Variants in ZC3H6 observed in about 807,000 individuals in gnomAD.
ZC3H6 encodes the protein zinc finger CCCH-type containing 6.
In ZC3H6, 40 loss-of-function variants were observed where a neutral mutation model predicts 107.7. The ratio of observed to expected loss-of-function variants is 0.37; its 90% CI spans 0.29 to 0.48. The LOEUF (loss-of-function observed/expected upper bound fraction) is 0.48, where lower values mean the gene tolerates loss of function less well. Among genes scored for constraint, ZC3H6 ranks in the 20% least tolerant of loss-of-function variants. The probability of loss-of-function intolerance (pLI) is 0.98; values close to 1 mark genes in which losing one functional copy is unlikely to be tolerated. For synonymous variants in ZC3H6, 493 were observed against 487.9 expected (o/e 1.01, Z -0.14); for missense variants, 1,267 against 1,410.4 (o/e 0.90, Z 1.63).
chr2:112,290,508 G>A (rs375319084), intron 1 of ZC3H6, among the ~76,000 whole-genome samples: 1,003 of 152,210 alleles, frequency 6.6e-3, no homozygotes, highest in African/African-American at 0.023. Flanking sequence ...ATGTTTATTT[G>A]TGTGATTCTT....
rs78836395 is a variant in ZC3H6 at position 112,316,402 on chromosome 2, T to C, written c.748-68T>C. 3,929 of 952,800 alleles carry C rather than the reference T, an allele frequency of 4.1e-3. 109 individuals are homozygous for C. The African/African-American group carries it at 0.057, about 14-fold the overall frequency. The allele number at this position is 952,800 out of a possible 1,614,324, so 59.0% of individuals were successfully genotyped here. A position where few individuals can be genotyped will look rare whatever the true frequency, so the allele number is the denominator to read the frequency against. ...AATTTGTACTTTTTTCCAGATCAAC[T>C]TAATCATACATTTTGATACCTATTA... On this transcript the variant is annotated intron_variant, in intron 5 of 11. Transcript: ENST00000409871.
At position 112,322,684 on chromosome 2, in the gene ZC3H6, T is replaced by C; in HGVS notation, c.1122T>C (p.Asp374=). 1 of 1,610,138 alleles carries C rather than the reference T, an allele frequency of 6.2e-7. No individual in the cohort carries two copies. Among genetic ancestry groups the C allele is most frequent in the South Asian group, 1.1e-5 (1 of 89,846 alleles). The change falls in exon 9 of 12, where the codon GAT becomes GAC. Residue 374 remains aspartate (D), a synonymous_variant. Transcript: ENST00000409871. Reference sequence around the variant, plus strand: ...CTGATGAAGAACTCATAAATGAAGATGAAAGAGAATTAGAGGAACTTAGAA... The same window carrying C: ...CTGATGAAGAACTCATAAATGAAGACGAAAGAGAATTAGAGGAACTTAGAA... ...LNTDEELINE[D]ERELEELRKR...
chr2:112,289,758 T>G (rs1453574404), intron 1 of ZC3H6, among the ~76,000 whole-genome samples: 1 of 152,118 alleles, frequency 6.6e-6, no homozygotes, highest in Non-Finnish European at 1.5e-5. Context: ...TTTTGTTTTG[T>G]TTTTGAGACA....
chr2:112,316,657 G>A lies in ZC3H6; in HGVS notation c.864+71G>A, dbSNP rs1334809382. The A allele has an allele frequency of 1.4e-5, 14 of 1,000,308 alleles. 1 individual carries two copies. The South Asian group carries it at 2.1e-4, about 15-fold the overall frequency. 62.0% of individuals were successfully genotyped at this position (1,000,308 alleles called of 1,614,324 possible). On this transcript the variant is annotated intron_variant, in intron 6 of 11. Transcript: ENST00000409871. The stretch of plus-strand genomic sequence containing the variant: ...TCTTTAAAATTAAAGTCTTTTGGGG[G>A]ATGGTTAATTTTTTTCTCTTCTCAT...
At position 112,299,907 on chromosome 2, in the gene ZC3H6, GA is replaced by G; in HGVS notation, c.96del (p.Glu33LysfsTer89). 1.3e-6 allele frequency: 2 copies of G among 1,492,186 alleles called. No individual in the cohort carries two copies. The highest frequency in any genetic ancestry group is 2.6e-5 in the East Asian group (1 of 38,622). The allele number at this position is 1,492,186 out of a possible 1,614,324, so 92.4% of individuals were successfully genotyped here. A position where few individuals can be genotyped will look rare whatever the true frequency, so the allele number is the denominator to read the frequency against. On this transcript the variant is annotated frameshift_variant, in exon 2 of 12. Transcript: ENST00000409871. LOFTEE classifies it high-confidence loss of function. ...IDDAGFEEIQEKEAKENEKQK... is the reference protein window; with the variant it reads ...IDDAGFEEIQXKEAKENEKQK... ...CGATGCAGGATTTGAAGAAATACAA[GA>G]AAAAGAAGCAAAAGAGAATGAAAAG...
rs746214190 is a variant in ZC3H6 at position 112,331,393 on chromosome 2, T to TGGA, written c.2476_2477insGAG (p.Asp825_Glu826insGly). 95 of 1,613,416 alleles carry TGGA rather than the reference T, an allele frequency of 5.9e-5. No homozygotes were observed. Among genetic ancestry groups the TGGA allele is most frequent in the Non-Finnish European group, 7.7e-5 (91 of 1,179,838 alleles). On this transcript the variant is annotated inframe_insertion, in exon 12 of 12. Transcript: ENST00000409871. ...AACACAAAAGAGGCGATGATGATGATGAAGATACAGAAAGAGAACTGAGAG... is the reference window on the plus strand; with the variant it reads ...AACACAAAAGAGGCGATGATGATGATGGAGAAGATACAGAAAGAGAACTGAGAG...
chr2:112,307,135 A>G (rs747939354), intron 3 of ZC3H6, among the ~76,000 whole-genome samples: 7 of 152,210 alleles, frequency 4.6e-5, no homozygotes, highest in Non-Finnish European at 1.0e-4. Flanking sequence ...TTCCATATAT[A>G]TATTTTAGAG....
intron 4 of ZC3H6, among the ~76,000 whole-genome samples, chr2:112,311,018 A>T (rs936592156): frequency 6.6e-6 from 1 of 152,216 alleles, no homozygotes; most frequent in East Asian, 1.9e-4. Flanking sequence ...TGTAGTCTAG[A>T]TGTTGTGGTA....
chr2:112,303,423 T>A, intron 3 of ZC3H6, 72 bp downstream of exon 3: 1 of 1,120,500 alleles, frequency 8.9e-7, no homozygotes, highest in African/African-American at 1.6e-5. Flanking sequence ...CTTTTAACTG[T>A]ACAATTCAGT....
At position 112,331,915 on chromosome 2, in the gene ZC3H6, C is replaced by T. The variant is rs544864643; in HGVS notation, c.2997C>T (p.Pro999=). 1.9e-6 allele frequency: 3 copies of T among 1,613,918 alleles called. No individual in the cohort carries two copies. Among genetic ancestry groups the T allele is most frequent in the South Asian group, 1.1e-5 (1 of 91,074 alleles). Residue 999 remains proline, a synonymous_variant, in exon 12 of 12, where the codon CCC becomes CCT. Transcript: ENST00000409871. ...SHASKGAPHL[P]RSNPGSSQPS... ...CATCAAAGGGTGCCCCTCACTTACCCAGATCAAACCCTGGTTCATCACAGC... is the reference window on the plus strand; with the variant it reads ...CATCAAAGGGTGCCCCTCACTTACCTAGATCAAACCCTGGTTCATCACAGC...
At position 112,331,416 on chromosome 2, in the gene ZC3H6, G is replaced by C; in HGVS notation, c.2498G>C (p.Arg833Thr). ...DDDEDTERELREKAFLIPLDA... is the reference protein window; with the variant it reads ...DDDEDTERELTEKAFLIPLDA... Reference sequence around the variant, plus strand: ...GATGAAGATACAGAAAGAGAACTGAGAGAAAAAGCTTTCTTAATACCTTTG... The same window carrying C: ...GATGAAGATACAGAAAGAGAACTGACAGAAAAAGCTTTCTTAATACCTTTG... The change falls in exon 12 of 12, where the codon AGA becomes ACA. Residue 833 changes from arginine (R) to threonine (T), a missense_variant. By Grantham distance (71) the Arg-to-Thr change is moderately conservative. This residue lies in a region of ZC3H6 where 925 missense variants were observed against 1,025.7 expected (regional missense o/e 0.90). Transcript: ENST00000409871. The C allele has an allele frequency of 6.2e-7, 1 of 1,613,436 alleles. No homozygotes were observed. Among genetic ancestry groups the C allele is most frequent in the African/African-American group, 1.3e-5 (1 of 74,974 alleles).
chr2:112,298,077 G>A (rs1676275831), intron 1 of ZC3H6, among the ~76,000 whole-genome samples: 1 of 152,172 alleles, frequency 6.6e-6, no homozygotes, highest in South Asian at 2.1e-4. Flanking sequence ...TCGTGCCACT[G>A]CACTGCAGTC....
intron 1 of ZC3H6, among the ~76,000 whole-genome samples, chr2:112,299,114 A>G (rs1261712215): frequency 2.0e-5 from 3 of 151,982 alleles, no homozygotes; most frequent in Non-Finnish European, 4.4e-5. Context: ...CGTCTCTACT[A>G]AAAATACAAA....
chr2:112,278,816 C>G (rs1346431136), intron 1 of ZC3H6, among the ~76,000 whole-genome samples: 3 of 152,088 alleles, frequency 2.0e-5, no homozygotes, highest in African/African-American at 7.2e-5. Flanking sequence ...GAAATAGAGT[C>G]TCGCTATATG....
intron 5 of ZC3H6, among the ~76,000 whole-genome samples, chr2:112,314,813 C>T (rs534362788): frequency 6.6e-6 from 1 of 152,094 alleles, no homozygotes; most frequent in African/African-American, 2.4e-5. Flanking sequence ...TTAAATGATT[C>T]TGTCATAGTA....
chr2:112,287,470 C>G (rs1252198782), intron 1 of ZC3H6, among the ~76,000 whole-genome samples: 1 of 152,112 alleles, frequency 6.6e-6, no homozygotes, highest in Non-Finnish European at 1.5e-5. Context: ...GTCAAACATA[C>G]AAGCTTATGG....
intron 1 of ZC3H6, among the ~76,000 whole-genome samples, chr2:112,281,584 A>G (rs551484391): frequency 1.8e-4 from 27 of 152,338 alleles, no homozygotes; most frequent in Non-Finnish European, 3.4e-4. Flanking sequence ...GGATGTGGAC[A>G]ATGAGAGAAT....
In ZC3H6 at chr2:112,289,738, G is replaced by GTTTGTTTTGT. The variant is rs71226779; in HGVS notation, c.33-10097_33-10088dup. Among the ~76,000 whole-genome samples, 229 of 150,670 alleles carry GTTTGTTTTGT rather than the reference G, an allele frequency of 1.5e-3. 1 individual carries two copies. The highest frequency in any genetic ancestry group is 1.7e-3 in the Admixed American group (26 of 15,134). Reference sequence around the variant, plus strand: ...GATTTAAATATTTTTACCGTTTTTTGTTTGTTTTGTTTTGTTTTGTTTTTG... The same window carrying GTTTGTTTTGT: ...GATTTAAATATTTTTACCGTTTTTTGTTTGTTTTGTTTTGTTTTGTTTTGTTTTGTTTTTG... On this transcript the variant is annotated intron_variant, in intron 1 of 11. Coordinates refer to ENST00000409871, the MANE Select transcript of ZC3H6 (RefSeq NM_198581.3).
intron 2 of ZC3H6, among the ~76,000 whole-genome samples, chr2:112,300,285 G>T (rs1263862141): frequency 6.6e-6 from 1 of 151,710 alleles, no homozygotes; most frequent in Non-Finnish European, 1.5e-5. Context: ...TTGGCTCACT[G>T]CAGCCTTGAT....
Sources: allele counts gnomAD v4.1 joint callset (sites outside exome capture counted in the v4.1 genomes callset), GRCh38; gene constraint gnomAD v4.1.1; regional missense constraint gnomAD v4.1.1; transcripts MANE v1.5; gene names NCBI Gene and HGNC (gene_info 2026-07-23, HGNC 2026-07-21).